AKAP13: variants seen among roughly 807,000 people sequenced by gnomAD.
The protein encoded by AKAP13 is A-kinase anchor protein 13.
In AKAP13, 80 loss-of-function variants were observed where a neutral mutation model predicts 264.5. The observed-to-expected ratio is 0.30, with a 90% CI of 0.25 to 0.36. AKAP13 has a LOEUF of 0.36. Ranked by LOEUF, AKAP13 falls within the 10% of genes least tolerant of loss-of-function variation. The pLI is 1.00. For synonymous variants in AKAP13, 1,380 were observed against 1,250.2 expected (o/e 1.10, Z -2.19); for missense variants, 3,712 against 3,435.2 (o/e 1.08, Z -2.01).
chr15:85,710,118 A>AT (rs1329139425), intron 18 of AKAP13, among the ~76,000 whole-genome samples: 2 of 152,248 alleles, frequency 1.3e-5, no homozygotes, highest in East Asian at 3.8e-4. Context: ...TAAAATTAGT[A>AT]TTTTACCCAA....
intron 8 of AKAP13, among the ~76,000 whole-genome samples, chr15:85,619,143 C>A (rs2081063420): frequency 6.6e-6 from 1 of 151,828 alleles, no homozygotes; most frequent in African/African-American, 2.4e-5. Context: ...GAGCCTTTTT[C>A]ATAGGGGTGG....
intron 5 of AKAP13, among the ~76,000 whole-genome samples, chr15:85,560,847 C>T (rs573782290): frequency 6.6e-6 from 1 of 152,170 alleles, no homozygotes; most frequent in East Asian, 1.9e-4. Flanking sequence ...ATGTTTGCAA[C>T]TCCCATATTC....
At chr15:85,404,508 G>C (rs1026860139) in intron 1 of AKAP13, among the ~76,000 whole-genome samples, 7 of 152,168 alleles carry the variant, frequency 4.6e-5, no homozygotes, top group African/African-American at 1.7e-4. Context: ...CTAGACCCTA[G>C]GGACACACAA....
chr15:85,507,924 G>A (rs1406936752), intron 2 of AKAP13, among the ~76,000 whole-genome samples: 2 of 152,200 alleles, frequency 1.3e-5, no homozygotes, highest in East Asian at 3.9e-4. Flanking sequence ...ATGAGGGCGT[G>A]GCAGGAATGG....
chr15:85,444,529 GTAAAATCTTTGCACAGA>G (rs1456404853), intron 1 of AKAP13, among the ~76,000 whole-genome samples: 5 of 152,170 alleles, frequency 3.3e-5, no homozygotes, highest in Non-Finnish European at 5.9e-5. Flanking sequence ...GTTGTTTAGA[GTAAAATCTTTGCACAGA>G]TGTCTTTTCC....
At chr15:85,709,937 C>A (rs879396294) in intron 18 of AKAP13, among the ~76,000 whole-genome samples, 1 of 151,782 alleles carries the variant, frequency 6.6e-6, no homozygotes, top group East Asian at 1.9e-4. Flanking sequence ...ATCCACCCAC[C>A]TCAGCCTCCC....
intron 9 of AKAP13, among the ~76,000 whole-genome samples, chr15:85,640,042 G>C (rs1037283619): frequency 2.6e-5 from 4 of 152,210 alleles, no homozygotes; most frequent in Non-Finnish European, 5.9e-5. Context: ...GACCTTGCTT[G>C]TTAATGACAC....
At chr15:85,635,435 T>G (rs1397785621) in intron 8 of AKAP13, among the ~76,000 whole-genome samples, 1 of 152,164 alleles carries the variant, frequency 6.6e-6, no homozygotes, top group Non-Finnish European at 1.5e-5. Context: ...TTGTAAGAGT[T>G]TCTTTTATTT....
intron 8 of AKAP13, among the ~76,000 whole-genome samples, chr15:85,594,297 G>A (rs949598830): frequency 6.6e-6 from 1 of 152,178 alleles, no homozygotes; most frequent in Admixed American, 6.5e-5. Flanking sequence ...TGAAATGAAA[G>A]TAGATGAGTC....
chr15:85,547,406 T>C (rs2077789557), intron 5 of AKAP13, among the ~76,000 whole-genome samples: 1 of 152,244 alleles, frequency 6.6e-6, no homozygotes, highest in Non-Finnish European at 1.5e-5. Flanking sequence ...TGCCAGTCTA[T>C]TTTGATAAAG....
intron 1 of AKAP13, among the ~76,000 whole-genome samples, chr15:85,447,497 T>C (rs1441759130): frequency 6.6e-6 from 1 of 152,090 alleles, no homozygotes; most frequent in African/African-American, 2.4e-5. Flanking sequence ...TACATAATAG[T>C]TATCTTTTCT....
chr15:85,649,885 AAAG>A (rs2082724765), intron 10 of AKAP13, among the ~76,000 whole-genome samples: 2 of 152,222 alleles, frequency 1.3e-5, no homozygotes, highest in Admixed American at 6.5e-5. Context: ...AAGGATAATT[AAAG>A]TCTACAGGAA....
intron 30 of AKAP13, among the ~76,000 whole-genome samples, chr15:85,731,788 C>T (rs2088057534): frequency 6.6e-6 from 1 of 151,940 alleles, no homozygotes; most frequent in African/African-American, 2.4e-5. Flanking sequence ...TGAATTGAAA[C>T]ATGTTTGATG....
chr15:85,719,029 G>A (rs774825841), intron 22 of AKAP13, 47 bp from the exon 23 acceptor site: 2 of 1,602,218 alleles, frequency 1.2e-6, no homozygotes, highest in Admixed American at 1.7e-5. Flanking sequence ...GAGGGCGAAT[G>A]CTTATAAAAG....
rs115910505 is a variant in AKAP13 at position 85,487,033 on chromosome 15, A to G, written c.33+1280A>G. On this transcript the variant is annotated intron_variant, in intron 2 of 36. Coordinates refer to ENST00000394518, the MANE Select transcript of AKAP13 (RefSeq NM_007200.5). ...AGGCGTGAGCCACAGCACCTGGCCA[A>G]TTGTTCAGTTTTTGATTGTTCATTG... 2.7e-3 allele frequency among the ~76,000 whole-genome samples: 407 copies of G among 152,194 alleles called. 1 individual carries two copies. The highest frequency in any genetic ancestry group is 9.0e-3 in the African/African-American group (372 of 41,528).
chr15:85,708,732 G>A lies in AKAP13; in HGVS notation c.5532+646G>A, dbSNP rs1347631170. Among the ~76,000 whole-genome samples, 2 of 145,678 alleles carry A rather than the reference G, an allele frequency of 1.4e-5. No individual in the cohort carries two copies. Among genetic ancestry groups the A allele is most frequent in the Non-Finnish European group, 3.1e-5 (2 of 64,120 alleles). On this transcript the variant is annotated intron_variant, in intron 18 of 36. Transcript: ENST00000394518. This position sits in a 1 kb window ranked among gnomAD's most constrained non-coding sequence, Gnocchi z 4.3. ...TTTTCAATGTTCTAGTCGCCTGTAA[G>A]TGTCTCTTCATTCCTTGTCAAAGGA...
At chr15:85,399,200 A>T (rs1345741088) in intron 1 of AKAP13, among the ~76,000 whole-genome samples, 1 of 152,194 alleles carries the variant, frequency 6.6e-6, no homozygotes, top group Non-Finnish European at 1.5e-5. Flanking sequence ...ACACGTTTTT[A>T]AAGTTTTAGA....
At chr15:85,676,939 A>C (rs2151587130) in intron 14 of AKAP13, 1 of 985,460 alleles carries the variant, frequency 1.0e-6, no homozygotes. Flanking sequence ...GCATAATCCG[A>C]GCATGCTCTA....
intron 8 of AKAP13, among the ~76,000 whole-genome samples, chr15:85,620,596 G>A (rs572631358): frequency 2.6e-5 from 4 of 151,590 alleles, no homozygotes; most frequent in Admixed American, 2.0e-4. Flanking sequence ...TCTGTCTTTT[G>A]TCTGAGTCTT....
Sources: allele counts gnomAD v4.1 joint callset (sites outside exome capture counted in the v4.1 genomes callset), GRCh38; gene constraint gnomAD v4.1.1; non-coding constraint Gnocchi (gnomAD v3.1); transcripts MANE v1.5; gene names NCBI Gene and HGNC (gene_info 2026-07-23, HGNC 2026-07-21).